Variants in PPM1L observed in about 807,000 individuals in gnomAD.
PPM1L encodes protein phosphatase, Mg2+/Mn2+ dependent 1L.
Under a neutral mutation model 31.4 loss-of-function variants are expected in PPM1L, and 13 were observed. The ratio of observed to expected loss-of-function variants is 0.41; its 90% CI spans 0.27 to 0.66. PPM1L has a LOEUF of 0.66. Ranked by LOEUF, PPM1L falls within the 30% of genes least tolerant of loss-of-function variation. The pLI is 0.29. For synonymous variants in PPM1L, 184 were observed against 175.4 expected (o/e 1.05, Z -0.39); for missense variants, 326 against 453.7 (o/e 0.72, Z 2.56).
intron 2 of PPM1L, among the ~76,000 whole-genome samples, chr3:160,963,470 G>C (rs903558336): frequency 1.4e-4 from 21 of 152,116 alleles, no homozygotes; most frequent in Admixed American, 3.9e-4. Context: ...ACATGTATGA[G>C]CTTTAGAGAA....
intron 1 of PPM1L, among the ~76,000 whole-genome samples, chr3:160,792,683 G>A (rs777286431): frequency 3.0e-4 from 45 of 152,276 alleles, no homozygotes; most frequent in Non-Finnish European, 5.7e-4. Context: ...CAAACTCTGG[G>A]GTTCCCAGAC....
chr3:160,886,478 C>T (rs1439137942), intron 1 of PPM1L, among the ~76,000 whole-genome samples: 1 of 152,150 alleles, frequency 6.6e-6, no homozygotes, highest in Non-Finnish European at 1.5e-5. Context: ...CCCTTGAGGT[C>T]AGAGATCCCA....
Position 160,924,107 on chromosome 3 carries a change from T to C in PPM1L, c.400-37629T>C, listed in dbSNP as rs1011045322. Among the ~76,000 whole-genome samples the C allele has an allele frequency of 2.0e-5, 3 of 152,306 alleles. No homozygotes were observed. In the East Asian group the frequency reaches 5.8e-4, roughly 29 times the overall value. Reference sequence around the variant, plus strand: ...TATATTCACTTGTTTCTGTTTGTTTTAGAAAAGAGGTAAATGCTGAAAGAG... The same window carrying C: ...TATATTCACTTGTTTCTGTTTGTTTCAGAAAAGAGGTAAATGCTGAAAGAG... On this transcript the variant is annotated intron_variant, in intron 1 of 3. Coordinates refer to ENST00000498165, the MANE Select transcript of PPM1L (RefSeq NM_139245.4).
intron 1 of PPM1L, among the ~76,000 whole-genome samples, chr3:160,765,525 G>T (rs1252515333): frequency 6.6e-6 from 1 of 152,174 alleles, no homozygotes; most frequent in African/African-American, 2.4e-5. Context: ...AGTTAAAAAA[G>T]ATTGGGGTTA....
intron 1 of PPM1L, among the ~76,000 whole-genome samples, chr3:160,897,567 C>G (rs796446449): frequency 2.0e-5 from 3 of 152,362 alleles, no homozygotes; most frequent in African/African-American, 7.2e-5. Context: ...AGCACTGGCT[C>G]TGACAGCTAA....
At chr3:160,924,637 A>T (rs998327093) in intron 1 of PPM1L, among the ~76,000 whole-genome samples, 1 of 152,214 alleles carries the variant, frequency 6.6e-6, no homozygotes, top group Non-Finnish European at 1.5e-5. Flanking sequence ...TATAGTTGGT[A>T]CCTGAAAAAC....
chr3:160,891,546 G>C (rs757631306), intron 1 of PPM1L, among the ~76,000 whole-genome samples: 5 of 152,180 alleles, frequency 3.3e-5, no homozygotes, highest in Non-Finnish European at 5.9e-5. Context: ...TACACTGTTG[G>C]TGGGAGGGTA....
At chr3:160,882,515 G>A (rs1048925352) in intron 1 of PPM1L, among the ~76,000 whole-genome samples, 2 of 152,142 alleles carry the variant, frequency 1.3e-5, no homozygotes, top group Non-Finnish European at 2.9e-5. Context: ...AAATCAAAAA[G>A]ATATTGGATT....
rs35502476 is a variant in PPM1L at position 161,038,585 on chromosome 3, T to TA, written c.575-26791dup. ...CCTCCCAAAATGCTGGGATTTGTTT[T>TA]AAAAAAAAAAAAAAAAAAAAAAAAA... is the stretch of plus-strand genomic sequence containing the variant. On this transcript the variant is annotated intron_variant, in intron 2 of 3. Transcript: ENST00000498165. Among the ~76,000 whole-genome samples the TA allele has an allele frequency of 9.3e-3, 1,025 of 110,584 alleles. 11 individuals carry two copies. Among genetic ancestry groups the TA allele is most frequent in the Non-Finnish European group, 0.013 (713 of 53,386 alleles). The allele number at this position is 110,584 out of a possible 152,430, so 72.5% of individuals were successfully genotyped here.
At chr3:160,963,463 T>C (rs890453129) in intron 2 of PPM1L, among the ~76,000 whole-genome samples, 3 of 151,980 alleles carry the variant, frequency 2.0e-5, no homozygotes, top group Non-Finnish European at 4.4e-5. Context: ...AAAACATACA[T>C]GTATGAGCTT....
At chr3:160,772,459 C>T (rs1715282312) in intron 1 of PPM1L, among the ~76,000 whole-genome samples, 1 of 152,160 alleles carries the variant, frequency 6.6e-6, no homozygotes, top group South Asian at 2.1e-4. Flanking sequence ...CCTTAGCCTC[C>T]ATGGTGGCTT....
At chr3:160,897,661 T>A (rs189372781) in intron 1 of PPM1L, among the ~76,000 whole-genome samples, 71 of 152,350 alleles carry the variant, frequency 4.7e-4, no homozygotes, top group Admixed American at 4.6e-3. Flanking sequence ...GATTAGGTGA[T>A]CTCAAAGATA....
chr3:160,923,194 A>G (rs1576716566), intron 1 of PPM1L, among the ~76,000 whole-genome samples: 1 of 152,122 alleles, frequency 6.6e-6, no homozygotes, highest in African/African-American at 2.4e-5. Flanking sequence ...AAATGAAACT[A>G]CTCTACCTTT....
intron 1 of PPM1L, among the ~76,000 whole-genome samples, chr3:160,889,563 A>G (rs1426414070): frequency 6.6e-6 from 1 of 152,224 alleles, no homozygotes; most frequent in Non-Finnish European, 1.5e-5. Flanking sequence ...GCTGAATTCT[A>G]TTACAGGTAC....
intron 1 of PPM1L, among the ~76,000 whole-genome samples, chr3:160,934,882 G>T (rs1714915640): frequency 6.6e-6 from 1 of 151,914 alleles, no homozygotes; most frequent in Non-Finnish European, 1.5e-5. Flanking sequence ...GAGTCCAGGG[G>T]GGTTGCAGTG....
chr3:160,945,818 C>G (rs568126601), intron 1 of PPM1L, among the ~76,000 whole-genome samples: 2 of 152,200 alleles, frequency 1.3e-5, no homozygotes, highest in Non-Finnish European at 2.9e-5. Flanking sequence ...GAGGATGAGA[C>G]CTTTATGATG....
At chr3:160,999,820 T>C (rs1441550220) in intron 2 of PPM1L, among the ~76,000 whole-genome samples, 1 of 152,240 alleles carries the variant, frequency 6.6e-6, no homozygotes, top group African/African-American at 2.4e-5. Context: ...GTACTTACCT[T>C]TGACTCACCA....
chr3:161,062,573 A>T (rs894249672), intron 2 of PPM1L, among the ~76,000 whole-genome samples: 45 of 152,194 alleles, frequency 3.0e-4, no homozygotes, highest in African/African-American at 1.0e-3. Flanking sequence ...ATCATCTTTT[A>T]AAATATGAAT....
At chr3:160,898,938 G>C (rs1444609256) in intron 1 of PPM1L, among the ~76,000 whole-genome samples, 2 of 152,134 alleles carry the variant, frequency 1.3e-5, no homozygotes, top group African/African-American at 4.8e-5. Context: ...ACCAGGATTC[G>C]TTAGGTCAGT....
Sources: allele counts gnomAD v4.1 joint callset (sites outside exome capture counted in the v4.1 genomes callset), GRCh38; gene constraint gnomAD v4.1.1; transcripts MANE v1.5; gene names NCBI Gene and HGNC (gene_info 2026-07-23, HGNC 2026-07-21).